The following STAG1 variants were observed in gnomAD, a reference collection of about 807,000 sequenced individuals.
STAG1 encodes cohesin subunit SA-1.
STAG1 carries 26 observed loss-of-function variants against 170.9 expected under a neutral mutation model. The observed-to-expected ratio is 0.15, with a 90% CI of 0.11 to 0.21. The LOEUF (loss-of-function observed/expected upper bound fraction) is 0.21. Ranked by LOEUF, STAG1 falls within the 10% of genes least tolerant of loss-of-function variation. The pLI is 1.00. For synonymous variants in STAG1, 514 were observed against 497.7 expected, an observed-to-expected ratio of 1.03 and a Z score of -0.44; for missense variants, 964 against 1,509.5, an observed-to-expected ratio of 0.64 and a Z score of 5.99.
chr3:136,630,496 C>G (rs143833671), intron 2 of STAG1, among the ~76,000 whole-genome samples: 54 of 152,308 alleles, frequency 3.5e-4, no homozygotes, highest in African/African-American at 1.3e-3. Context: ...AATACTATCA[C>G]TGTCACAACT....
intron 22 of STAG1, among the ~76,000 whole-genome samples, chr3:136,387,162 G>C (rs2086893466): frequency 6.6e-6 from 1 of 152,154 alleles, no homozygotes; most frequent in South Asian, 2.1e-4. Context: ...TTGTGTTAAG[G>C]ATCAGATAGT....
chr3:136,469,985 C>A (rs960490123), intron 12 of STAG1, among the ~76,000 whole-genome samples: 15 of 152,266 alleles, frequency 9.9e-5, no homozygotes, highest in African/African-American at 3.4e-4. Context: ...AAAATTAATT[C>A]AAGATGGATT....
Position 136,604,470 on chromosome 3 carries a change from T to C in STAG1, c.136A>G (p.Thr46Ala), listed in dbSNP as rs368463027. 2.5e-6 allele frequency: 4 copies of C among 1,588,276 alleles called. No homozygotes were observed. In the South Asian group the frequency reaches 4.7e-5, roughly 19 times the overall value. ...GGAGATTTTCGAGGTTTCTTATTTG[T>C]AGACTGAAAAAAAGATAAAAAAAGA... ...KRGRPGRPPS[T>A]NKKPRKSPGE... Residue 46 changes from threonine (T) to alanine (A), a missense_variant, in exon 4 of 34, where the codon ACA becomes GCA. This residue lies in a region of STAG1 where 108 missense variants were observed against 120.2 expected (regional missense o/e 0.90). Transcript: ENST00000383202.
At chr3:136,421,863 T>C (rs1436360961) in intron 19 of STAG1, among the ~76,000 whole-genome samples, 1 of 151,940 alleles carries the variant, frequency 6.6e-6, no homozygotes, top group Non-Finnish European at 1.5e-5. Flanking sequence ...TTTAAAGAGA[T>C]TTTTTTGCCC....
At chr3:136,691,513 G>A (rs192436121) in intron 1 of STAG1, among the ~76,000 whole-genome samples, 27 of 152,230 alleles carry the variant, frequency 1.8e-4, no homozygotes, top group African/African-American at 6.5e-4. Flanking sequence ...AGCCTCACTT[G>A]AGCCTTAAGT....
chr3:136,444,037 C>A (rs2088706463), intron 14 of STAG1, among the ~76,000 whole-genome samples: 1 of 152,100 alleles, frequency 6.6e-6, no homozygotes, highest in South Asian at 2.1e-4. Flanking sequence ...TCACACCAAA[C>A]TCTACCACTT....
At chr3:136,607,545 G>A (rs1484456263) in intron 3 of STAG1, among the ~76,000 whole-genome samples, 1 of 152,174 alleles carries the variant, frequency 6.6e-6, no homozygotes, top group East Asian at 1.9e-4. Flanking sequence ...TGGGATTACA[G>A]GCATGTGCCA....
At chr3:136,718,694 G>A (rs1162406350) in intron 1 of STAG1, among the ~76,000 whole-genome samples, 1 of 152,180 alleles carries the variant, frequency 6.6e-6, no homozygotes, top group Non-Finnish European at 1.5e-5. Context: ...GGAGGCCAAG[G>A]TGGGTGGATC....
intron 10 of STAG1, 24 bp from the exon 11 acceptor site, chr3:136,473,661 C>T (rs201098988): frequency 3.2e-6 from 5 of 1,561,346 alleles, no homozygotes; most frequent in African/African-American, 2.7e-5. Flanking sequence ...AATAAAAGCA[C>T]AACAGAAGGA....
At chr3:136,596,992 T>C (rs758445948) in intron 4 of STAG1, among the ~76,000 whole-genome samples, 1 of 152,112 alleles carries the variant, frequency 6.6e-6, no homozygotes, top group African/African-American at 2.4e-5. Context: ...CAAGAATCAC[T>C]TGAACCTGGG....
intron 3 of STAG1, among the ~76,000 whole-genome samples, chr3:136,614,211 G>C (rs1235449606): frequency 1.3e-5 from 2 of 152,036 alleles, no homozygotes; most frequent in African/African-American, 2.4e-5. Context: ...GAAAGACTCT[G>C]CCTCAAAAAA....
intron 12 of STAG1, among the ~76,000 whole-genome samples, chr3:136,469,754 C>G (rs1309439552): frequency 6.6e-6 from 1 of 152,150 alleles, no homozygotes; most frequent in African/African-American, 2.4e-5. Context: ...GCTACAGTAA[C>G]CAAAACAGCA....
At chr3:136,733,143 G>A (rs1180222500) in intron 1 of STAG1, among the ~76,000 whole-genome samples, 9 of 147,702 alleles carry the variant, frequency 6.1e-5, no homozygotes, top group Non-Finnish European at 1.0e-4. Context: ...GGAGTGCAGC[G>A]GCATCATCTT....
At chr3:136,401,773 A>G (rs1328307119) in intron 21 of STAG1, among the ~76,000 whole-genome samples, 2 of 152,012 alleles carry the variant, frequency 1.3e-5, no homozygotes, top group Non-Finnish European at 2.9e-5. Context: ...ATATTCCTTT[A>G]TTTTATTTTA....
intron 4 of STAG1, among the ~76,000 whole-genome samples, chr3:136,588,142 G>A (rs1001097362): frequency 1.3e-5 from 2 of 152,052 alleles, no homozygotes; most frequent in Non-Finnish European, 2.9e-5. Context: ...ACATGAATTC[G>A]CTCTTCACTT....
At chr3:136,453,387 T>A (rs2089002550) in intron 13 of STAG1, among the ~76,000 whole-genome samples, 1 of 151,978 alleles carries the variant, frequency 6.6e-6, no homozygotes, top group East Asian at 1.9e-4. Flanking sequence ...GTCAGGAGAT[T>A]GAGACCATCC....
chr3:136,527,789 GT>G (rs1935128490), intron 6 of STAG1, among the ~76,000 whole-genome samples: 1 of 152,120 alleles, frequency 6.6e-6, no homozygotes, highest in Non-Finnish European at 1.5e-5. Context: ...CTGTTTGTTA[GT>G]TTTCCTTCTT....
chr3:136,701,978 G>A lies in STAG1; in HGVS notation c.-84+50217C>T, dbSNP rs1332383826. Among the ~76,000 whole-genome samples, 3 of 148,200 alleles carry A rather than the reference G, an allele frequency of 2.0e-5. No individual in the cohort carries two copies. In the South Asian group the frequency reaches 6.4e-4, roughly 31 times the overall value. On this transcript the variant is annotated intron_variant, in intron 1 of 33. Transcript: ENST00000383202. ...TTCTTTTACTCTTTTTTTTTTTTGA[G>A]GTAAGCTCACAGCAGTCTCCAACTC...
intron 16 of STAG1, among the ~76,000 whole-genome samples, chr3:136,426,361 G>A (rs966095460): frequency 1.3e-5 from 2 of 152,144 alleles, no homozygotes; most frequent in African/African-American, 4.8e-5. Context: ...GCAGTGAGCC[G>A]AGATCGCGCC....
Sources: gnomAD v4.1 joint callset for allele counts (sites outside exome capture counted in the v4.1 genomes callset) on GRCh38, gnomAD v4.1.1 for gene constraint, gnomAD v4.1.1 regional missense constraint, MANE v1.5 for transcripts, NCBI Gene and HGNC (gene_info 2026-07-23, HGNC 2026-07-21) for gene names.